Variants in RXRA observed in about 807,000 individuals in gnomAD.
RXRA encodes retinoic acid receptor RXR-alpha.
Under a neutral mutation model 44.5 loss-of-function variants are expected in RXRA, and 5 were observed. The ratio of observed to expected loss-of-function variants is 0.11; its 90% CI spans 0.06 to 0.24. RXRA has a LOEUF of 0.24. Ranked by LOEUF, RXRA falls within the 10% of genes least tolerant of loss-of-function variation. The pLI is 1.00. For synonymous variants in RXRA, 291 were observed against 271.4 expected (o/e 1.07, Z -0.71); for missense variants, 412 against 646.5 (o/e 0.64, Z 3.93).
In RXRA at chr9:134,433,066, CCTGGCCCTGACCTT is replaced by C. The variant is rs1333032764; in HGVS notation, c.1136-1032_1136-1019del. On this transcript the variant is annotated intron_variant, in intron 8 of 9. Coordinates refer to ENST00000481739, the MANE Select transcript of RXRA (RefSeq NM_002957.6). This position sits in a 1 kb window ranked among gnomAD's most constrained non-coding sequence, Gnocchi z 4.2. ...TGGAGGGAGTGGAGCCCTCTCGGCT[CCTGGCCCTGACCTT>C]CTGACCTTGCCCTTTGTCAGACCTG... 1.3e-5 allele frequency among the ~76,000 whole-genome samples: 2 copies of C among 152,108 alleles called. No homozygotes were observed. Among genetic ancestry groups the C allele is most frequent in the Non-Finnish European group, 2.9e-5 (2 of 68,022 alleles).
At chr9:134,359,985 G>T (rs1830329376) in intron 1 of RXRA, among the ~76,000 whole-genome samples, 1 of 152,242 alleles carries the variant, frequency 6.6e-6, no homozygotes, top group Non-Finnish European at 1.5e-5. Context: ...GAGCCGCGGG[G>T]GTCCCTGGGC....
intron 1 of RXRA, among the ~76,000 whole-genome samples, chr9:134,384,829 GCCC>G (rs1324124815): frequency 6.6e-6 from 1 of 152,212 alleles, no homozygotes; most frequent in African/African-American, 2.4e-5. Context: ...GCGGGGCAGT[GCCC>G]TCCTGTGGTT....
rs1176968463 is a variant in RXRA at position 134,366,551 on chromosome 9, G to A, written c.29-35081G>A. 6.6e-6 allele frequency among the ~76,000 whole-genome samples: 1 copy of A among 152,094 alleles called. No homozygotes were observed. Among genetic ancestry groups the A allele is most frequent in the Non-Finnish European group, 1.5e-5 (1 of 67,990 alleles). ...CGTGCCATGGGCCTCCAGGTCCCCCGGGTGCTGGCCTGGGGACAGCACCAC... is the reference window on the plus strand; with the variant it reads ...CGTGCCATGGGCCTCCAGGTCCCCCAGGTGCTGGCCTGGGGACAGCACCAC... On this transcript the variant is annotated intron_variant, in intron 1 of 9. Coordinates refer to ENST00000481739, the MANE Select transcript of RXRA (RefSeq NM_002957.6). This position sits in a 1 kb window ranked among gnomAD's most constrained non-coding sequence, Gnocchi z 5.9.
chr9:134,429,729 C>T (rs1246037468), intron 7 of RXRA, among the ~76,000 whole-genome samples: 1 of 152,184 alleles, frequency 6.6e-6, no homozygotes, highest in East Asian at 1.9e-4. Flanking sequence ...ACCTCAGCCA[C>T]TTCTCAGGGG....
chr9:134,425,029 C>T (rs1223091134), intron 6 of RXRA: 4 of 985,332 alleles, frequency 4.1e-6, no homozygotes, highest in Non-Finnish European at 4.8e-6. Context: ...GAATGGGTGC[C>T]CAGACCTGCA....
At chr9:134,391,740 T>C (rs76833337) in intron 1 of RXRA, among the ~76,000 whole-genome samples, 16,387 of 152,086 alleles carry the variant, frequency 0.11, 2,947 homozygotes, top group African/African-American at 0.37. Flanking sequence ...GGCTCATGGG[T>C]GTCTGCTGTG....
At position 134,417,643 on chromosome 9, in the gene RXRA, C is replaced by T. The variant is rs1174628535; in HGVS notation, c.780+316C>T. Among the ~76,000 whole-genome samples the T allele has an allele frequency of 6.6e-6, 1 of 152,116 alleles. No homozygotes were observed. Among genetic ancestry groups the T allele is most frequent in the Admixed American group, 6.5e-5 (1 of 15,286 alleles). On this transcript the variant is annotated intron_variant, in intron 5 of 9. Coordinates refer to ENST00000481739, the MANE Select transcript of RXRA (RefSeq NM_002957.6). This position sits in a 1 kb window ranked among gnomAD's most constrained non-coding sequence, Gnocchi z 6.1. ...CTGCTGGGGCCTCAGCCGCCGTGTC[C>T]CCTCGGAGTTTGGCCTGTCTCGGTG...
At chr9:134,379,910 C>A (rs34109829) in intron 1 of RXRA, 747,114 of 985,052 alleles carry the variant, frequency 0.76, 286,129 homozygotes, top group Non-Finnish European at 0.78. Context: ...GCCTGGAGGC[C>A]TGCTGGTCTC....
intron 1 of RXRA, among the ~76,000 whole-genome samples, chr9:134,363,993 CG>C (rs1424395869): frequency 6.6e-6 from 1 of 152,158 alleles, no homozygotes; most frequent in Non-Finnish European, 1.5e-5. Context: ...GGGTCCGTGC[CG>C]GGCTTCTCCT....
intron 1 of RXRA, among the ~76,000 whole-genome samples, chr9:134,347,011 G>A (rs1830160915): frequency 6.6e-6 from 1 of 152,232 alleles, no homozygotes; most frequent in Admixed American, 6.5e-5. Flanking sequence ...AGCTGTCACT[G>A]TGGAGGTGGC....
chr9:134,353,751 G>C (rs2119048211), intron 1 of RXRA, among the ~76,000 whole-genome samples: 1 of 152,368 alleles, frequency 6.6e-6, no homozygotes, highest in South Asian at 2.1e-4. Flanking sequence ...TGCTACCCAT[G>C]GGCCTGGTTG....
chr9:134,389,056 T>C (rs2119117548), intron 1 of RXRA, among the ~76,000 whole-genome samples: 1 of 152,232 alleles, frequency 6.6e-6, no homozygotes, highest in South Asian at 2.1e-4. Context: ...CAAGCTCTGG[T>C]CCTCCAAGGA....
chr9:134,383,076 G>A (rs1004477507), intron 1 of RXRA, among the ~76,000 whole-genome samples: 3 of 152,206 alleles, frequency 2.0e-5, no homozygotes, highest in African/African-American at 7.2e-5. Flanking sequence ...GGCTGTGTGT[G>A]TGCACACTGT....
intron 1 of RXRA, among the ~76,000 whole-genome samples, chr9:134,369,042 A>T (rs558489705): frequency 4.0e-5 from 1 of 24,802 alleles, no homozygotes. Flanking sequence ...GTGGGGGGTT[A>T]TGTGTGTATG....
chr9:134,353,475 C>T, intron 1 of RXRA, among the ~76,000 whole-genome samples: 1 of 152,176 alleles, frequency 6.6e-6, no homozygotes, highest in East Asian at 1.9e-4. Context: ...GTCATGTGGC[C>T]CGGCCACAGG....
chr9:134,416,964 C>G lies in RXRA; in HGVS notation c.611-194C>G, dbSNP rs376340875. Among the ~76,000 whole-genome samples the G allele has an allele frequency of 2.6e-5, 4 of 152,196 alleles. No individual in the cohort carries two copies. In the South Asian group the frequency reaches 6.2e-4, roughly 24 times the overall value. On this transcript the variant is annotated intron_variant, in intron 4 of 9. Transcript: ENST00000481739. ...GATTGGAATTAATGAGAGTTGGCCT[C>G]TGTTCTCAGAGCACACAACCACACG... is the stretch of plus-strand genomic sequence containing the variant.
chr9:134,412,609 T>C (rs542676850), intron 4 of RXRA, among the ~76,000 whole-genome samples: 43 of 152,284 alleles, frequency 2.8e-4, no homozygotes, highest in African/African-American at 1.0e-3. Context: ...TTCCGCAGCA[T>C]TCCCGGGACC....
intron 1 of RXRA, among the ~76,000 whole-genome samples, chr9:134,369,416 A>T (rs73551907): frequency 0.062 from 4,633 of 74,904 alleles, 158 homozygotes; most frequent in Admixed American, 0.12. Flanking sequence ...TGTGGGTTAT[A>T]TGTGTGTGAG....
rs1265585069 is a variant in RXRA, at chr9:134,343,303, T to A, written c.28+16644T>A. ...GAAGTAAGGCCTGTCCTTCAGTTCT[T>A]GCCTGGGAGCAGGGAAGGCCCTGGC... On this transcript the variant is annotated intron_variant, in intron 1 of 9. Coordinates refer to ENST00000481739, the MANE Select transcript of RXRA (RefSeq NM_002957.6). The surrounding 1 kb of genome is among the most constrained non-coding windows in gnomAD (Gnocchi z 4.1). 6.6e-6 allele frequency among the ~76,000 whole-genome samples: 1 copy of A among 152,154 alleles called. No homozygotes were observed. The highest frequency in any genetic ancestry group is 1.5e-5 in the Non-Finnish European group (1 of 68,022).
Sources: allele counts gnomAD v4.1 joint callset (sites outside exome capture counted in the v4.1 genomes callset), GRCh38; gene constraint gnomAD v4.1.1; non-coding constraint Gnocchi (gnomAD v3.1); transcripts MANE v1.5; gene names NCBI Gene and HGNC (gene_info 2026-07-23, HGNC 2026-07-21).